The following RBMS3 variants were observed in gnomAD, a reference collection of about 807,000 sequenced individuals.
RBMS3 encodes the protein RNA-binding motif, single-stranded-interacting protein 3.
In RBMS3, 27 loss-of-function variants were observed where a neutral mutation model predicts 66.8. The ratio of observed to expected loss-of-function variants is 0.40; its 90% CI spans 0.30 to 0.56. The LOEUF (loss-of-function observed/expected upper bound fraction) is 0.56, where lower values mean the gene tolerates loss of function less well. RBMS3 is among the 20% of genes least tolerant of loss of function. The pLI is 0.40. For synonymous variants in RBMS3, 188 were observed against 183.0 expected (o/e 1.03, Z -0.22); for missense variants, 513 against 549.5 (o/e 0.93, Z 0.66).
chr3:29,988,111 GTT>G, intron 12 of RBMS3, 30 bp from the exon 13 acceptor site: 1 of 1,549,322 alleles, frequency 6.5e-7, no homozygotes, highest in Non-Finnish European at 8.9e-7. Context: ...GCAGCTCAAA[GTT>G]CACATGCATT....
intron 6 of RBMS3, among the ~76,000 whole-genome samples, chr3:29,809,337 G>GA (rs138871471): frequency 0.44 from 64,722 of 147,260 alleles, 14,728 homozygotes; most frequent in African/African-American, 0.51. Flanking sequence ...ATGATCAGTG[G>GA]GAAAAAAAAA....
intron 1 of RBMS3, among the ~76,000 whole-genome samples, chr3:29,417,547 T>C (rs2040529226): frequency 6.6e-6 from 1 of 152,184 alleles, no homozygotes; most frequent in Admixed American, 6.5e-5. Flanking sequence ...TGGAATATAT[T>C]GGTATCCCTT....
At chr3:29,920,102 A>G (rs1158365251) in intron 10 of RBMS3, among the ~76,000 whole-genome samples, 1 of 152,170 alleles carries the variant, frequency 6.6e-6, no homozygotes, top group Admixed American at 6.5e-5. Context: ...CATGCATGGC[A>G]GTAATAAGAA....
Position 29,554,416 on chromosome 3 carries a change from C to T in RBMS3, c.308-32698C>T, listed in dbSNP as rs1005147721. Among the ~76,000 whole-genome samples the T allele has an allele frequency of 2.0e-5, 3 of 152,184 alleles. No homozygotes were observed. In the East Asian group the frequency reaches 5.8e-4, roughly 29 times the overall value. ...ACTAAGCAGTAACAGTCAATGCTGG[C>T]TCATGCTATTAAAAGGAGGCAGACA... On this transcript the variant is annotated intron_variant, in intron 3 of 14. Coordinates refer to ENST00000383767, the MANE Select transcript of RBMS3 (RefSeq NM_001003793.3).
chr3:29,606,769 A>C (rs2048331858), intron 4 of RBMS3, among the ~76,000 whole-genome samples: 1 of 151,984 alleles, frequency 6.6e-6, no homozygotes, highest in Admixed American at 6.6e-5. Context: ...TTTATCTTCT[A>C]GTGCTCACTT....
intron 2 of RBMS3, among the ~76,000 whole-genome samples, chr3:29,460,397 T>C (rs569716450): frequency 2.0e-5 from 3 of 152,358 alleles, no homozygotes; most frequent in Non-Finnish European, 4.4e-5. Context: ...GTGTTCATGG[T>C]GGTGTTTCTG....
At chr3:29,343,201 C>T (rs187995996) in intron 1 of RBMS3, among the ~76,000 whole-genome samples, 83 of 152,062 alleles carry the variant, frequency 5.5e-4, no homozygotes, top group African/African-American at 1.6e-3. Flanking sequence ...GTGGTCTGAG[C>T]GAAATATCTT....
At chr3:29,305,986 C>T (rs187754228) in intron 1 of RBMS3, among the ~76,000 whole-genome samples, 8 of 152,052 alleles carry the variant, frequency 5.3e-5, no homozygotes, top group South Asian at 4.1e-4. Flanking sequence ...AGGGAGCATT[C>T]GTTACTTGTT....
intron 6 of RBMS3, among the ~76,000 whole-genome samples, chr3:29,790,434 G>A (rs1431635979): frequency 6.6e-6 from 1 of 151,964 alleles, no homozygotes; most frequent in Non-Finnish European, 1.5e-5. Flanking sequence ...TGTGTGGTTC[G>A]GTTCTATGAA....
At chr3:29,433,284 C>A (rs1389808117) in intron 1 of RBMS3, among the ~76,000 whole-genome samples, 1 of 152,036 alleles carries the variant, frequency 6.6e-6, no homozygotes, top group Non-Finnish European at 1.5e-5. Context: ...ACATACCTCC[C>A]AAATCTGATA....
In RBMS3 at chr3:29,732,960, A is replaced by G. The variant is rs141585854; in HGVS notation, c.400-6760A>G. 8.0e-4 allele frequency among the ~76,000 whole-genome samples: 122 copies of G among 152,116 alleles called. No individual in the cohort carries two copies. In the Middle Eastern group the frequency reaches 0.024, roughly 30 times the overall value. On this transcript the variant is annotated intron_variant, in intron 4 of 14. Coordinates refer to ENST00000383767, the MANE Select transcript of RBMS3 (RefSeq NM_001003793.3). ...GCTTATTCACTTACTAACTTAAAAT[A>G]TAGGACCCAGTTTTCTCATTTGTAT... is the stretch of plus-strand genomic sequence containing the variant.
chr3:29,596,321 T>A (rs905627918), intron 4 of RBMS3, among the ~76,000 whole-genome samples: 1 of 152,212 alleles, frequency 6.6e-6, no homozygotes, highest in African/African-American at 2.4e-5. Context: ...CTACCGAGGT[T>A]CACGGTCCAC....
rs1219814497 is a variant in RBMS3 at position 29,869,030 on chromosome 3, G to GC, written c.744+67dup. 3 of 1,307,056 alleles carry GC rather than the reference G, an allele frequency of 2.3e-6. No homozygotes were observed. The African/African-American group carries it at 4.5e-5, about 20-fold the overall frequency. 81.0% of individuals were successfully genotyped at this position (1,307,056 alleles called of 1,614,324 possible). On this transcript the variant is annotated intron_variant, in intron 7 of 14. Coordinates refer to ENST00000383767, the MANE Select transcript of RBMS3 (RefSeq NM_001003793.3). Reference sequence around the variant, plus strand: ...TAGATATCCCTCAGAAGGTGGCAAGGCAGACGTATGGTGCCATGATGAAAT... The same window carrying GC: ...TAGATATCCCTCAGAAGGTGGCAAGGCCAGACGTATGGTGCCATGATGAAAT...
chr3:29,340,081 C>A (rs1037069014), intron 1 of RBMS3, among the ~76,000 whole-genome samples: 1 of 152,070 alleles, frequency 6.6e-6, no homozygotes, highest in Non-Finnish European at 1.5e-5. Context: ...AAAGCACAAT[C>A]CTAGATCAAA....
chr3:29,776,947 T>C (rs1246199181), intron 6 of RBMS3, among the ~76,000 whole-genome samples: 1 of 151,936 alleles, frequency 6.6e-6, no homozygotes, highest in Non-Finnish European at 1.5e-5. Flanking sequence ...ACCTTGAATT[T>C]GCTCTGGTAA....
chr3:29,547,422 A>T (rs966077407), intron 3 of RBMS3, among the ~76,000 whole-genome samples: 1 of 152,080 alleles, frequency 6.6e-6, no homozygotes, highest in Non-Finnish European at 1.5e-5. Flanking sequence ...TGAGCAGCTG[A>T]TCTATCATTA....
At chr3:29,492,476 A>C (rs77527207) in intron 3 of RBMS3, among the ~76,000 whole-genome samples, 3,416 of 152,314 alleles carry the variant, frequency 0.022, 97 homozygotes, top group Admixed American at 0.089. Context: ...GTTTATTGGA[A>C]TTGCCAAGAA....
At chr3:29,861,500 G>A (rs907546558) in intron 6 of RBMS3, among the ~76,000 whole-genome samples, 8 of 152,254 alleles carry the variant, frequency 5.3e-5, no homozygotes, top group Admixed American at 3.9e-4. Context: ...AATTAAAAGT[G>A]GTCAGCTTCT....
intron 6 of RBMS3, among the ~76,000 whole-genome samples, chr3:29,865,443 T>C (rs2059336487): frequency 1.3e-5 from 2 of 152,198 alleles, no homozygotes; most frequent in South Asian, 4.1e-4. Context: ...GATTACCATT[T>C]ACAACTTGGA....
Sources: gnomAD v4.1 joint callset for allele counts (sites outside exome capture counted in the v4.1 genomes callset) on GRCh38, gnomAD v4.1.1 for gene constraint, MANE v1.5 for transcripts, NCBI Gene and HGNC (gene_info 2026-07-23, HGNC 2026-07-21) for gene names.